Variants in LRRTM4 observed in about 807,000 individuals in gnomAD.
The protein encoded by LRRTM4 is leucine-rich repeat transmembrane neuronal protein 4.
LRRTM4 carries 25 observed loss-of-function variants against 47.6 expected under a neutral mutation model. The ratio of observed to expected loss-of-function variants is 0.53; its 90% CI spans 0.38 to 0.73. LRRTM4 has a LOEUF of 0.73. Ranked by LOEUF, LRRTM4 falls within the 30% of genes least tolerant of loss-of-function variation. LRRTM4 has a pLI of 0.00. For synonymous variants in LRRTM4, 311 were observed against 269.5 expected, an observed-to-expected ratio of 1.15 and a Z score of -1.51; for missense variants, 638 against 713.4, an observed-to-expected ratio of 0.89 and a Z score of 1.20.
chr2:77,483,309 T>G (rs1573476648), intron 3 of LRRTM4, among the ~76,000 whole-genome samples: 1 of 151,966 alleles, frequency 6.6e-6, no homozygotes, highest in Admixed American at 6.6e-5. Flanking sequence ...ACAACCAAGT[T>G]TAGAACACAA....
intron 3 of LRRTM4, among the ~76,000 whole-genome samples, chr2:76,879,928 C>T (rs1262735558): frequency 3.9e-5 from 6 of 152,148 alleles, no homozygotes; most frequent in African/African-American, 9.7e-5. Flanking sequence ...GTGGAAACAG[C>T]GTAAGAACTA....
intron 3 of LRRTM4, among the ~76,000 whole-genome samples, chr2:77,019,010 G>C (rs1039077170): frequency 2.0e-4 from 31 of 151,894 alleles, no homozygotes; most frequent in African/African-American, 6.8e-4. Context: ...GAAATATCTT[G>C]TAACAGAAAT....
At chr2:77,068,507 C>T (rs1293246084) in intron 3 of LRRTM4, among the ~76,000 whole-genome samples, 1 of 152,154 alleles carries the variant, frequency 6.6e-6, no homozygotes, top group African/African-American at 2.4e-5. Flanking sequence ...TCCTTTCTAT[C>T]TTCCTAGATT....
At chr2:76,910,199 A>G (rs540563334) in intron 3 of LRRTM4, among the ~76,000 whole-genome samples, 6 of 152,298 alleles carry the variant, frequency 3.9e-5, no homozygotes, top group African/African-American at 1.4e-4. Flanking sequence ...CTTTGTAGGG[A>G]CATGGATGAA....
intron 3 of LRRTM4, among the ~76,000 whole-genome samples, chr2:77,463,762 G>A (rs1676877526): frequency 6.6e-6 from 1 of 152,056 alleles, no homozygotes; most frequent in Non-Finnish European, 1.5e-5. Flanking sequence ...TAGTTGCACT[G>A]CAACAGCAGC....
chr2:77,140,722 C>A (rs1672096692), intron 3 of LRRTM4, among the ~76,000 whole-genome samples: 1 of 152,174 alleles, frequency 6.6e-6, no homozygotes, highest in Non-Finnish European at 1.5e-5. Context: ...TTGCAAGCTA[C>A]TTCTCTGACA....
intron 3 of LRRTM4, among the ~76,000 whole-genome samples, chr2:76,796,923 T>C (rs1393288112): frequency 6.6e-6 from 1 of 151,844 alleles, no homozygotes; most frequent in Non-Finnish European, 1.5e-5. Context: ...GAAAAAAGAA[T>C]AAAAAGAAAT....
chr2:76,889,594 A>G (rs1308242311), intron 3 of LRRTM4, among the ~76,000 whole-genome samples: 3 of 151,946 alleles, frequency 2.0e-5, no homozygotes, highest in Non-Finnish European at 2.9e-5. Flanking sequence ...TTTGGCTTCA[A>G]AGATCCAAGG....
At chr2:77,078,035 CA>C (rs1451133775) in intron 3 of LRRTM4, among the ~76,000 whole-genome samples, 2 of 152,158 alleles carry the variant, frequency 1.3e-5, no homozygotes, top group African/African-American at 4.8e-5. Context: ...CAGTGAACTG[CA>C]GACTTTACTT....
At chr2:77,041,295 T>TAC (rs1679024612) in intron 3 of LRRTM4, among the ~76,000 whole-genome samples, 1 of 151,616 alleles carries the variant, frequency 6.6e-6, no homozygotes. Flanking sequence ...TGTGTATATA[T>TAC]ACCACATTTG....
At chr2:77,076,737 A>C (rs528401433) in intron 3 of LRRTM4, among the ~76,000 whole-genome samples, 135 of 152,294 alleles carry the variant, frequency 8.9e-4, no homozygotes, top group Middle Eastern at 3.4e-3. Flanking sequence ...CATATTCTTT[A>C]GTTTTTAAGT....
At chr2:76,869,370 C>T (rs1295423496) in intron 3 of LRRTM4, among the ~76,000 whole-genome samples, 1 of 152,004 alleles carries the variant, frequency 6.6e-6, no homozygotes, top group Non-Finnish European at 1.5e-5. Flanking sequence ...AGAGGCTGAG[C>T]CTCTTCTTTG....
chr2:77,424,163 TG>T (rs1675016093), intron 3 of LRRTM4, among the ~76,000 whole-genome samples: 1 of 152,212 alleles, frequency 6.6e-6, no homozygotes, highest in African/African-American at 2.4e-5. Flanking sequence ...TATCTGGTTT[TG>T]TGTTATTGCT....
chr2:77,083,783 CTTTTTTTTTTTTTTTTTT>C lies in LRRTM4; in HGVS notation c.1552-334885_1552-334868del, dbSNP rs386390525. Among the ~76,000 whole-genome samples the C allele has an allele frequency of 4.2e-3, 222 of 52,386 alleles. 1 individual carries two copies. The highest frequency in any genetic ancestry group is 8.9e-3 in the South Asian group (13 of 1,468). 34.4% of individuals were successfully genotyped at this position (52,386 alleles called of 152,430 possible). On this transcript the variant is annotated intron_variant, in intron 3 of 3. Transcript: ENST00000409884. The stretch of plus-strand genomic sequence containing the variant: ...ACTTCTCAATTTTTAACTGGACACA[CTTTTTTTTTTTTTTTTTT>C]TTTTTTTTTTTTTTTTTTTTTCAGA...
intron 3 of LRRTM4, chr2:77,517,720 T>C: frequency 2.0e-6 from 2 of 983,306 alleles, no homozygotes; most frequent in Non-Finnish European, 2.4e-6. Context: ...AAAGAAGCCT[T>C]AGGAGCCTGA....
intron 3 of LRRTM4, among the ~76,000 whole-genome samples, chr2:77,344,670 G>C (rs939090023): frequency 2.6e-4 from 40 of 151,680 alleles, no homozygotes; most frequent in African/African-American, 9.7e-4. Flanking sequence ...TGGTGAAAGT[G>C]ATAAACTTAC....
At chr2:76,748,953 A>T (rs1346450752) in intron 3 of LRRTM4, 37 bp from the exon 4 acceptor site, 1 of 1,575,992 alleles carries the variant, frequency 6.3e-7, no homozygotes, top group African/African-American at 1.3e-5. Flanking sequence ...TGGATTATAA[A>T]ATTGCTTTGG....
intron 3 of LRRTM4, among the ~76,000 whole-genome samples, chr2:76,829,812 G>A (rs559986095): frequency 6.6e-6 from 1 of 152,046 alleles, no homozygotes; most frequent in African/African-American, 2.4e-5. Flanking sequence ...TGAGACCTCT[G>A]CCTTGCATTT....
At chr2:77,104,969 G>A (rs56779577) in intron 3 of LRRTM4, among the ~76,000 whole-genome samples, 6 of 151,908 alleles carry the variant, frequency 3.9e-5, no homozygotes, top group Non-Finnish European at 8.8e-5. Context: ...AAAATGGCAA[G>A]AGAGTTCAAG....
Sources: gnomAD v4.1 joint callset for allele counts (sites outside exome capture counted in the v4.1 genomes callset) on GRCh38, gnomAD v4.1.1 for gene constraint, MANE v1.5 for transcripts, NCBI Gene and HGNC (gene_info 2026-07-23, HGNC 2026-07-21) for gene names.